AGBL1: variants seen among roughly 807,000 people sequenced by gnomAD.
AGBL1 encodes AGBL carboxypeptidase 1.
A neutral mutation model predicts 118.9 loss-of-function variants in AGBL1; 130 were observed. The ratio of observed to expected loss-of-function variants is 1.09; its 90% CI spans 0.95 to 1.26. The LOEUF is 1.26. Among genes scored for constraint, AGBL1 ranks in the 50% most tolerant of loss-of-function variants. The probability of loss-of-function intolerance (pLI) is 0.00; values close to 1 mark genes in which losing one functional copy is unlikely to be tolerated. For missense variants in AGBL1, 1,584 were observed against 1,298.1 expected (o/e 1.22, Z -3.38); for synonymous variants, 555 against 478.9 (o/e 1.16, Z -2.08).
chr15:86,512,724 A>G (rs1363617167), intron 18 of AGBL1, among the ~76,000 whole-genome samples: 1 of 151,700 alleles, frequency 6.6e-6, no homozygotes, highest in Non-Finnish European at 1.5e-5. Flanking sequence ...AATCCTTGTT[A>G]TCTTTTTCTA....
At position 86,731,699 on chromosome 15, in the gene AGBL1, C is replaced by G. The variant is rs80080043; in HGVS notation, c.3158+57263C>G. 3.3e-3 allele frequency among the ~76,000 whole-genome samples: 508 copies of G among 152,304 alleles called. 2 individuals carry two copies. The highest frequency in any genetic ancestry group is 0.012 in the African/African-American group (478 of 41,560). On this transcript the variant is annotated intron_variant, in intron 22 of 22. Coordinates refer to ENST00000614907, the MANE Select transcript of AGBL1 (RefSeq NM_001386094.1). ...TTTCACCTAGAATTTTCTCCACCAACCAGACTGACTTTCAAGTTGCAGAGT... is the reference window on the plus strand; with the variant it reads ...TTTCACCTAGAATTTTCTCCACCAAGCAGACTGACTTTCAAGTTGCAGAGT...
chr15:86,324,902 G>A (rs34273947), intron 17 of AGBL1, among the ~76,000 whole-genome samples: 6,258 of 152,244 alleles, frequency 0.041, 159 homozygotes, highest in South Asian at 0.073. Flanking sequence ...TAGCATGTGA[G>A]GAGACCATGT....
chr15:86,177,646 A>G (rs539378821), intron 5 of AGBL1, among the ~76,000 whole-genome samples: 9 of 152,222 alleles, frequency 5.9e-5, no homozygotes, highest in Admixed American at 1.3e-4. Context: ...AGGTTTCTGT[A>G]AGAGTCCCCA....
intron 17 of AGBL1, among the ~76,000 whole-genome samples, chr15:86,389,421 G>A (rs935767554): frequency 2.0e-5 from 3 of 152,178 alleles, no homozygotes; most frequent in Middle Eastern, 3.4e-3. Context: ...TTTATGCCCA[G>A]CAAAAATATT....
intron 17 of AGBL1, among the ~76,000 whole-genome samples, chr15:86,354,663 C>T (rs544009131): frequency 6.6e-6 from 1 of 152,234 alleles, no homozygotes; most frequent in Non-Finnish European, 1.5e-5. Flanking sequence ...ATGATATATC[C>T]ATTGTGGAGG....
intron 22 of AGBL1, among the ~76,000 whole-genome samples, chr15:86,826,043 A>AC (rs386383697): frequency 1.3e-5 from 2 of 151,848 alleles, no homozygotes; most frequent in African/African-American, 4.8e-5. Flanking sequence ...TTGCAAAAAA[A>AC]AAATATTACA....
At chr15:86,620,879 G>A (rs1003111755) in intron 21 of AGBL1, among the ~76,000 whole-genome samples, 25 of 151,356 alleles carry the variant, frequency 1.7e-4, no homozygotes, top group African/African-American at 5.3e-4. Flanking sequence ...CTCTCTTCAC[G>A]GCTCTTTTTC....
intron 22 of AGBL1, among the ~76,000 whole-genome samples, chr15:86,773,807 G>A (rs1391498653): frequency 6.6e-6 from 1 of 151,912 alleles, no homozygotes; most frequent in East Asian, 1.9e-4. Flanking sequence ...GAGCAGCTAG[G>A]TGTGTATGGA....
intron 22 of AGBL1, among the ~76,000 whole-genome samples, chr15:86,897,762 A>ATT (rs2080149520): frequency 7.0e-5 from 6 of 85,612 alleles, no homozygotes; most frequent in Admixed American, 1.2e-4. Flanking sequence ...TTCATCTTTT[A>ATT]TCTTTTTTTT....
At chr15:86,771,663 G>GT (rs1455207764) in intron 22 of AGBL1, among the ~76,000 whole-genome samples, 2 of 151,936 alleles carry the variant, frequency 1.3e-5, no homozygotes, top group Non-Finnish European at 2.9e-5. Flanking sequence ...CTGCACTTGC[G>GT]TAAGTGGTAC....
At chr15:86,771,788 A>T (rs2078186066) in intron 22 of AGBL1, among the ~76,000 whole-genome samples, 1 of 152,040 alleles carries the variant, frequency 6.6e-6, no homozygotes, top group South Asian at 2.1e-4. Flanking sequence ...TACATGAAAC[A>T]AAGGACCATT....
intron 1 of AGBL1, among the ~76,000 whole-genome samples, chr15:86,123,531 C>T (rs181814093): frequency 2.1e-3 from 315 of 152,354 alleles, no homozygotes; most frequent in African/African-American, 7.4e-3. Flanking sequence ...TGAGATACCA[C>T]GCCCACCCCG....
chr15:86,245,260 A>G (rs993571462), intron 6 of AGBL1, among the ~76,000 whole-genome samples: 5 of 152,236 alleles, frequency 3.3e-5, no homozygotes, highest in African/African-American at 1.2e-4. Flanking sequence ...ATATGCACTC[A>G]CATGGTCTTA....
chr15:86,345,038 T>C (rs1472098374), intron 17 of AGBL1, among the ~76,000 whole-genome samples: 1 of 152,172 alleles, frequency 6.6e-6, no homozygotes, highest in East Asian at 1.9e-4. Context: ...TGAGCACCTC[T>C]TCTTTTTCAG....
chr15:86,404,175 G>T (rs778742549), intron 18 of AGBL1, among the ~76,000 whole-genome samples: 2 of 152,088 alleles, frequency 1.3e-5, no homozygotes, highest in Non-Finnish European at 2.9e-5. Flanking sequence ...AGGGTGCCTG[G>T]GAGAAGCCAT....
intron 17 of AGBL1, among the ~76,000 whole-genome samples, chr15:86,396,515 G>A (rs1459505836): frequency 6.6e-6 from 1 of 152,020 alleles, no homozygotes; most frequent in Non-Finnish European, 1.5e-5. Context: ...CCAAGATTGA[G>A]CTTCCAGATA....
chr15:86,449,815 G>A (rs2082170752), intron 18 of AGBL1, among the ~76,000 whole-genome samples: 1 of 152,158 alleles, frequency 6.6e-6, no homozygotes, highest in Admixed American at 6.5e-5. Flanking sequence ...GAGTGACTGA[G>A]GAACGGCATG....
At chr15:86,480,277 A>G (rs1188190555) in intron 18 of AGBL1, among the ~76,000 whole-genome samples, 1 of 152,192 alleles carries the variant, frequency 6.6e-6, no homozygotes. Flanking sequence ...TTGCTTCAGT[A>G]TGATAACCTT....
chr15:86,821,800 C>A (rs910217169), intron 22 of AGBL1, among the ~76,000 whole-genome samples: 1 of 152,140 alleles, frequency 6.6e-6, no homozygotes, highest in Non-Finnish European at 1.5e-5. Context: ...TTTCACACAC[C>A]TTTAAGGTGC....
Sources: gnomAD v4.1 joint callset for allele counts (sites outside exome capture counted in the v4.1 genomes callset) on GRCh38, gnomAD v4.1.1 for gene constraint, MANE v1.5 for transcripts, NCBI Gene and HGNC (gene_info 2026-07-23, HGNC 2026-07-21) for gene names.